Variants in SPTBN5 observed in about 807,000 individuals in gnomAD.
SPTBN5 encodes spectrin beta chain, non-erythrocytic 5.
SPTBN5 carries 513 observed loss-of-function variants against 477.6 expected under a neutral mutation model. The observed-to-expected ratio is 1.07, with a 90% CI of 1.00 to 1.16. SPTBN5 has a LOEUF of 1.16. Ranked by LOEUF, SPTBN5 falls within the 50% of genes most tolerant of loss-of-function variation. The pLI is 0.00. For missense variants in SPTBN5, 5,062 were observed against 4,731.8 expected (o/e 1.07, Z -2.05); for synonymous variants, 2,169 against 2,011.7 (o/e 1.08, Z -2.09).
intron 53 of SPTBN5, 76 bp from the exon 54 acceptor site, chr15:41,855,821 C>A: frequency 7.1e-7 from 1 of 1,412,404 alleles, no homozygotes; most frequent in Non-Finnish European, 9.4e-7. Flanking sequence ...CGATTCTCAG[C>A]CTGGCTGCAC....
Position 41,876,608 on chromosome 15 carries a change from G to C in SPTBN5, c.3891C>G (p.Thr1297=). 1 of 1,606,476 alleles carries C rather than the reference G, an allele frequency of 6.2e-7. No homozygotes were observed. Among genetic ancestry groups the C allele is most frequent in the Non-Finnish European group, 8.5e-7 (1 of 1,177,132 alleles). Residue 1297 remains threonine (T), a synonymous_variant, in exon 20 of 68, where the codon ACC becomes ACG. Coordinates refer to ENST00000320955, the MANE Select transcript of SPTBN5 (RefSeq NM_016642.4). ...TCTGCTCACTCCTCCCCTGGAGCCTGGTCCACTGTGCCTGGATACTCTGCA... is the reference window on the plus strand; with the variant it reads ...TCTGCTCACTCCTCCCCTGGAGCCTCGTCCACTGTGCCTGGATACTCTGCA... ...EQLQSIQAQW[T]RLQGRSEQRR... is the part of the protein sequence containing the mutation.
chr15:41,850,165 C>T (rs899609617), intron 66 of SPTBN5: 1 of 574,918 alleles, frequency 1.7e-6, no homozygotes, highest in Non-Finnish European at 3.1e-6. Context: ...TTAGGAAACT[C>T]CTCACAGGTG....
chr15:41,848,488 G>A lies in SPTBN5; in HGVS notation c.*128C>T, dbSNP rs2065629514. 4 of 1,073,630 alleles carry A rather than the reference G, an allele frequency of 3.7e-6. No individual in the cohort carries two copies. The highest frequency in any genetic ancestry group is 3.4e-5 in the Admixed American group (2 of 58,628). The allele number at this position is 1,073,630 out of a possible 1,614,324, so 66.5% of individuals were successfully genotyped here. On this transcript the variant is annotated 3_prime_UTR_variant, in exon 68 of 68. Coordinates refer to ENST00000320955, the MANE Select transcript of SPTBN5 (RefSeq NM_016642.4). ...GAAGGAACTGTCTATTCCAGAAGCT[G>A]GGCCTGGGGAACTGGGTTGAAGCAG...
At chr15:41,852,780 G>T in intron 60 of SPTBN5, 44 bp downstream of exon 60, 2 of 1,472,620 alleles carry the variant, frequency 1.4e-6, no homozygotes, top group East Asian at 2.2e-5. Context: ...GGGGGGGGGG[G>T]CCCAGAGCCT....
chr15:41,880,992 A>C, intron 13 of SPTBN5, 42 bp downstream of exon 13: 1 of 1,524,012 alleles, frequency 6.6e-7, no homozygotes, highest in South Asian at 1.2e-5. Flanking sequence ...AGCTGCTGGC[A>C]CAGAGTAAGG....
At position 41,850,836 on chromosome 15, in the gene SPTBN5, C is replaced by G. The variant is rs762314760; in HGVS notation, c.10921+18G>C. The G allele has an allele frequency of 6.3e-7, 1 of 1,580,190 alleles. No homozygotes were observed. The highest frequency in any genetic ancestry group is 2.3e-5 in the East Asian group (1 of 42,892). On this transcript the variant is annotated intron_variant, in intron 66 of 67. Coordinates refer to ENST00000320955, the MANE Select transcript of SPTBN5 (RefSeq NM_016642.4). ...AGGGAGTCGGCCGCCCTCCCCGCAT[C>G]CTTCCCCTGAAGCCCACCTGCAGTG...
Position 41,877,235 on chromosome 15 carries a change from C to T in SPTBN5, c.3592G>A (p.Glu1198Lys). 1 of 1,614,018 alleles carries T rather than the reference C, an allele frequency of 6.2e-7. No individual in the cohort carries two copies. The highest frequency in any genetic ancestry group is 8.5e-7 in the Non-Finnish European group (1 of 1,179,904). The stretch of plus-strand genomic sequence containing the variant: ...TCTTGCAGCCACTGCTGCCTCTGCT[C>T]CCACAAAACCTTCAGCTCCTGGCCC... ...QQGQELKVLW[E>K]QRQQWLQEGL... The change falls in exon 18 of 68, where the codon GAG becomes AAG. Residue 1198 changes from glutamate to lysine, a missense_variant. Glu to Lys is a moderately conservative substitution (Grantham distance 56). Coordinates refer to ENST00000320955, the MANE Select transcript of SPTBN5 (RefSeq NM_016642.4).
At chr15:41,850,209 G>A (rs987533264) in intron 66 of SPTBN5, 1 of 494,296 alleles carries the variant, frequency 2.0e-6, no homozygotes, top group Admixed American at 3.3e-5. Context: ...TTAGGAGGTG[G>A]GAAATTCTGG....
At chr15:41,875,324 T>C in intron 22 of SPTBN5, 134 bp downstream of exon 22, 1 of 1,167,676 alleles carries the variant, frequency 8.6e-7, no homozygotes, top group Non-Finnish European at 1.2e-6. Flanking sequence ...CACGCTCAGC[T>C]TGTCCTAGGC....
At chr15:41,856,828 C>A in intron 52 of SPTBN5, 25 bp downstream of exon 52, 1 of 1,530,842 alleles carries the variant, frequency 6.5e-7, no homozygotes, top group Non-Finnish European at 8.8e-7. Flanking sequence ...TGTGCGAGGC[C>A]AGCCCTCCCC....
At chr15:41,870,899 C>T (rs903749037) in intron 29 of SPTBN5, among the ~76,000 whole-genome samples, 7 of 152,268 alleles carry the variant, frequency 4.6e-5, no homozygotes, top group Admixed American at 6.5e-5. Flanking sequence ...CACATCTCTC[C>T]GTTCCTCGCT....
In SPTBN5 at chr15:41,858,632, C is replaced by T. The variant is rs371603089; in HGVS notation, c.8196G>A (p.Ala2732=). The T allele has an allele frequency of 2.7e-5, 44 of 1,611,328 alleles. No individual in the cohort carries two copies. The highest frequency in any genetic ancestry group is 3.3e-4 in the Middle Eastern group (2 of 6,058). ...GCAGCTCCTGCTGTTGGTGCATGCT[C>T]GCGTCCAGCTCCGCCTGGAAATTCT... is the stretch of plus-strand genomic sequence containing the variant. ...KQQNFQAELD[A]SMHQQQELQR... Residue 2732 remains alanine (A), a synonymous_variant, in exon 49 of 68, where the codon GCG becomes GCA. Transcript: ENST00000320955.
In SPTBN5 at chr15:41,848,278, A is replaced by G. The variant is rs1297075403; in HGVS notation, c.*338T>C. On this transcript the variant is annotated 3_prime_UTR_variant, in exon 68 of 68. Transcript: ENST00000320955. ...CCTCCGAAGAGCACATTCTCTGCAC[A>G]CGTCTGCGTCTACCTGTGCTCAGAG... 19 of 506,316 alleles carry G rather than the reference A, an allele frequency of 3.8e-5. No homozygotes were observed. The highest frequency in any genetic ancestry group is 6.1e-5 in the Non-Finnish European group (17 of 278,830). The allele number at this position is 506,316 out of a possible 1,614,324, so 31.4% of individuals were successfully genotyped here. A position where few individuals can be genotyped will look rare whatever the true frequency, so the allele number is the denominator to read the frequency against.
At position 41,873,492 on chromosome 15, in the gene SPTBN5, C is replaced by T; in HGVS notation, c.5007G>A (p.Gln1669=). The T allele has an allele frequency of 6.4e-7, 1 of 1,550,780 alleles. No homozygotes were observed. The highest frequency in any genetic ancestry group is 8.7e-7 in the Non-Finnish European group (1 of 1,146,236). ...GCAGGGGAGGCTCAGGACGTGGTAC[C>T]TGGTGCTTGTTAATGAGCCTGAGGG... ...AATLRLINKH[Q]ALQEELAIYW... Residue 1669 remains glutamine (Q), a splice_region_variant and synonymous_variant, in exon 26 of 68, where the codon CAG becomes CAA. Coordinates refer to ENST00000320955, the MANE Select transcript of SPTBN5 (RefSeq NM_016642.4).
rs763562053 is a variant in SPTBN5, at chr15:41,855,444, G to A, written c.9219-16C>T. ...CACCTTGGGGCTGTGGGAAGAGAGCGACAGTCTGGACTGCAGCCCTGCCTT... is the reference window on the plus strand; with the variant it reads ...CACCTTGGGGCTGTGGGAAGAGAGCAACAGTCTGGACTGCAGCCCTGCCTT... On this transcript the variant is annotated splice_polypyrimidine_tract_variant and intron_variant, in intron 54 of 67. Coordinates refer to ENST00000320955, the MANE Select transcript of SPTBN5 (RefSeq NM_016642.4). 45 of 1,595,546 alleles carry A rather than the reference G, an allele frequency of 2.8e-5. No homozygotes were observed. Among genetic ancestry groups the A allele is most frequent in the South Asian group, 4.4e-5 (4 of 90,296 alleles).
chr15:41,874,594 G>T (rs533972986), intron 23 of SPTBN5, 116 bp from the exon 24 acceptor site: 38 of 985,008 alleles, frequency 3.9e-5, no homozygotes, highest in Non-Finnish European at 5.3e-5. Flanking sequence ...ATAGAGCAAA[G>T]CCTCATCTGA....
At chr15:41,854,334 G>T in intron 56 of SPTBN5, 129 bp from the exon 57 acceptor site, 1 of 967,460 alleles carries the variant, frequency 1.0e-6, no homozygotes, top group Non-Finnish European at 1.4e-6. Context: ...GTGTCCCCAG[G>T]TACAGAAACC....
At chr15:41,866,582 C>T (rs1189277684) in intron 36 of SPTBN5, 89 bp from the exon 37 acceptor site, 1 of 1,400,144 alleles carries the variant, frequency 7.1e-7, no homozygotes, top group Admixed American at 3.0e-5. Context: ...TCCCAGGAGG[C>T]TGGCCTCAGG....
chr15:41,852,345 G>C (rs753458403), intron 61 of SPTBN5, 29 bp from the exon 62 acceptor site: 1 of 1,539,238 alleles, frequency 6.5e-7, no homozygotes, highest in East Asian at 2.4e-5. Context: ...TGGGCAAGGT[G>C]AGCCAGGTCA....
Sources: gnomAD v4.1 joint callset for allele counts (sites outside exome capture counted in the v4.1 genomes callset) on GRCh38, gnomAD v4.1.1 for gene constraint, MANE v1.5 for transcripts, NCBI Gene and HGNC (gene_info 2026-07-23, HGNC 2026-07-21) for gene names.